The following ABCG8 variants were observed in gnomAD, a reference collection of about 807,000 sequenced individuals.
ABCG8 encodes the protein ATP binding cassette subfamily G member 8.
A neutral mutation model predicts 71.3 loss-of-function variants in ABCG8; 81 were observed. The ratio of observed to expected loss-of-function variants is 1.14; its 90% confidence interval spans 0.95 to 1.37. The LOEUF (loss-of-function observed/expected upper bound fraction) is 1.37, where lower values mean the gene tolerates loss of function less well. Ranked by LOEUF, ABCG8 falls within the 40% of genes most tolerant of loss-of-function variation. The pLI is 0.00. For synonymous variants in ABCG8, 451 were observed against 354.7 expected (o/e 1.27, Z -3.05); for missense variants, 1,119 against 866.2 (o/e 1.29, Z -3.66).
chr2:43,866,940 C>G (rs1465316083), intron 6 of ABCG8, among the ~76,000 whole-genome samples: 4 of 150,986 alleles, frequency 2.6e-5, no homozygotes, highest in Non-Finnish European at 3.0e-5. Flanking sequence ...AGACTTGGAA[C>G]CAACCCAAAT....
At position 43,875,303 on chromosome 2, in the gene ABCG8, C is replaced by T. The variant is rs927391390; in HGVS notation, c.1646C>T (p.Ala549Val). The T allele has an allele frequency of 1.2e-6, 2 of 1,614,064 alleles. No individual in the cohort carries two copies. Among genetic ancestry groups the T allele is most frequent in the Non-Finnish European group, 1.7e-6 (2 of 1,180,058 alleles). ...TGTTGCAGGATTATGGCCCTGGCCG[C>T]CGCGGCCCTGCTCCCCACCTTCCAC... ...VFCCRIMALA[A>V]AALLPTFHMA... Residue 549 changes from alanine (A) to valine (V), a missense_variant, in exon 11 of 13, where the codon GCC becomes GTC. Transcript: ENST00000272286.
At chr2:43,870,855 G>A (rs1572861177) in intron 6 of ABCG8, among the ~76,000 whole-genome samples, 1 of 151,958 alleles carries the variant, frequency 6.6e-6, no homozygotes, top group Admixed American at 6.6e-5. Context: ...TATCTGGATA[G>A]AACTCTCACT....
At chr2:43,859,493 C>G (rs1405653816) in intron 6 of ABCG8, among the ~76,000 whole-genome samples, 1 of 151,260 alleles carries the variant, frequency 6.6e-6, no homozygotes, top group Non-Finnish European at 1.5e-5. Context: ...GCATAGAACT[C>G]TCACTATCTA....
chr2:43,867,169 G>C (rs1339303345), intron 6 of ABCG8, among the ~76,000 whole-genome samples: 2 of 137,642 alleles, frequency 1.5e-5, no homozygotes, highest in African/African-American at 5.3e-5. Flanking sequence ...AAACAGGAAG[G>C]GGAACGTCAC....
chr2:43,872,403 AGT>A, intron 8 of ABCG8, 97 bp downstream of exon 8: 1 of 1,362,812 alleles, frequency 7.3e-7, no homozygotes, highest in Non-Finnish European at 1.0e-6. Flanking sequence ...TAAAGGAGAA[AGT>A]GAGAGGTAGA....
At chr2:43,856,404 C>T (rs1052851070) in intron 6 of ABCG8, among the ~76,000 whole-genome samples, 3 of 150,080 alleles carry the variant, frequency 2.0e-5, no homozygotes, top group African/African-American at 7.4e-5. Flanking sequence ...AACTCTCACT[C>T]TCTAGATAGA....
chr2:43,844,493 C>T lies in ABCG8; in HGVS notation c.64-14C>T, dbSNP rs373055005. ...GCTTCTAAAGGAGCCCCTCATCTCT[C>T]CTGTCTCCCACAGGGCCTCCAGGAT... On this transcript the variant is annotated splice_polypyrimidine_tract_variant and intron_variant, in intron 1 of 12. Transcript: ENST00000272286. The T allele has an allele frequency of 5.4e-5, 87 of 1,608,802 alleles. No individual in the cohort carries two copies. Among genetic ancestry groups the T allele is most frequent in the Middle Eastern group, 3.3e-4 (2 of 6,048 alleles).
chr2:43,867,809 GGATAGAATTCTCACTCTCTA>G (rs1669585652), intron 6 of ABCG8, among the ~76,000 whole-genome samples: 1 of 150,902 alleles, frequency 6.6e-6, no homozygotes, highest in Admixed American at 6.6e-5. Flanking sequence ...GTCACTATCT[GGATAGAATTCTCACTCTCTA>G]GATAGAATTC....
Position 43,880,058 on chromosome 2 carries a change from G to C in ABCG8, c.*2145G>C, listed in dbSNP as rs970938485. The C allele has an allele frequency of 1.3e-5, 2 of 151,858 alleles. No individual in the cohort carries two copies. Among genetic ancestry groups the C allele is most frequent in the Admixed American group, 1.3e-4 (2 of 15,242 alleles). 9.4% of individuals were successfully genotyped at this position (151,858 alleles called of 1,614,324 possible). A position where few individuals can be genotyped will look rare whatever the true frequency, so the allele number is the denominator to read the frequency against. ...TTATTGTGATTAATTCTGATGCTCA[G>C]CTTGTCCCTGATTTGGCCAGTGGGA... On this transcript the variant is annotated 3_prime_UTR_variant, in exon 13 of 13. Coordinates refer to ENST00000272286, the MANE Select transcript of ABCG8 (RefSeq NM_022437.3).
intron 8 of ABCG8, among the ~76,000 whole-genome samples, chr2:43,873,086 G>A (rs1450505260): frequency 6.6e-6 from 1 of 152,004 alleles, no homozygotes. Flanking sequence ...ATTCCAGTTA[G>A]TCTAGCCATA....
intron 6 of ABCG8, among the ~76,000 whole-genome samples, chr2:43,870,954 A>G (rs1191908115): frequency 6.9e-6 from 1 of 144,580 alleles, no homozygotes; most frequent in Non-Finnish European, 1.5e-5. Context: ...AACTTTCACC[A>G]TCTGGATAGA....
chr2:43,865,095 T>G (rs1669478498), intron 6 of ABCG8, among the ~76,000 whole-genome samples: 1 of 151,886 alleles, frequency 6.6e-6, no homozygotes, highest in South Asian at 2.1e-4. Flanking sequence ...ATTCTCACCC[T>G]CTGGATAGAA....
intron 4 of ABCG8, 115 bp downstream of exon 4, chr2:43,851,937 T>A: frequency 8.2e-7 from 1 of 1,214,138 alleles, no homozygotes; most frequent in Non-Finnish European, 1.2e-6. Context: ...TTTGAACAAC[T>A]CAGCTTGCCT....
intron 3 of ABCG8, among the ~76,000 whole-genome samples, chr2:43,850,849 G>A (rs768217223): frequency 4.6e-5 from 7 of 151,374 alleles, no homozygotes; most frequent in Non-Finnish European, 7.4e-5. Context: ...GGCAGAGATT[G>A]CAGTGAGCTG....
At chr2:43,876,526 AG>A (rs1165634957) in intron 11 of ABCG8, among the ~76,000 whole-genome samples, 4 of 147,114 alleles carry the variant, frequency 2.7e-5, no homozygotes, top group African/African-American at 1.0e-4. Flanking sequence ...GGAGACGGTG[AG>A]AATATGGGAA....
rs1670124126 is a variant in ABCG8 at position 43,881,249 on chromosome 2, CA to C, written c.*3337del. The C allele has an allele frequency of 6.6e-6, 1 of 152,260 alleles. No homozygotes were observed. 9.4% of individuals were successfully genotyped at this position (152,260 alleles called of 1,614,324 possible). On this transcript the variant is annotated 3_prime_UTR_variant, in exon 13 of 13. Coordinates refer to ENST00000272286, the MANE Select transcript of ABCG8 (RefSeq NM_022437.3). The stretch of plus-strand genomic sequence containing the variant: ...GGCAGGAGGGATGGAGAAAATATAG[CA>C]GCTGCCATTTATTTGTGTTTTTCCT...
chr2:43,875,153 G>T lies in ABCG8; in HGVS notation c.1496G>T (p.Gly499Val), dbSNP rs1364678304. Residue 499 changes from glycine (G) to valine (V), a missense_variant, in exon 11 of 13, where the codon GGG (glycine) becomes GTG (valine). By Grantham distance (109) the Gly-to-Val change is moderately radical. Coordinates refer to ENST00000272286, the MANE Select transcript of ABCG8 (RefSeq NM_022437.3). ...AAGGGCTGTTCTTTGCAGATCCTCGGGGAGCTTCCGGAGCACTGTGCCTAC... is the reference window on the plus strand; with the variant it reads ...AAGGGCTGTTCTTTGCAGATCCTCGTGGAGCTTCCGGAGCACTGTGCCTAC... ...TGPYFFAKILGELPEHCAYII... is the reference protein window; with the variant it reads ...TGPYFFAKILVELPEHCAYII... 6 of 1,614,210 alleles carry T rather than the reference G, an allele frequency of 3.7e-6. No homozygotes were observed. Among genetic ancestry groups the T allele is most frequent in the South Asian group, 1.1e-5 (1 of 91,086 alleles).
At chr2:43,867,659 C>T (rs1056051788) in intron 6 of ABCG8, among the ~76,000 whole-genome samples, 3 of 150,598 alleles carry the variant, frequency 2.0e-5, no homozygotes, top group Admixed American at 6.6e-5. Context: ...TTCTCAGTCT[C>T]TGTATAGAAC....
intron 6 of ABCG8, among the ~76,000 whole-genome samples, chr2:43,863,085 A>G (rs894023365): frequency 6.7e-6 from 1 of 149,754 alleles, no homozygotes; most frequent in African/African-American, 2.4e-5. Flanking sequence ...GGTTCTCACC[A>G]TATGGATAGA....
Sources: gnomAD v4.1 joint callset for allele counts (sites outside exome capture counted in the v4.1 genomes callset) on GRCh38, gnomAD v4.1.1 for gene constraint, MANE v1.5 for transcripts, NCBI Gene and HGNC (gene_info 2026-07-23, HGNC 2026-07-21) for gene names.